The following SLC71A1 variants were observed in gnomAD, a reference collection of about 807,000 sequenced individuals.
SLC71A1 encodes solute carrier family 71 member 1.
chr1:100,075,105 C>A, the SLC71A1 span, among the ~76,000 whole-genome samples: 47 of 152,232 alleles, frequency 3.1e-4, no homozygotes, highest in African/African-American at 1.1e-3. Context: ...TAAGTACTTT[C>A]TGGTAATATT....
At chr1:100,058,649 T>C in the SLC71A1 span, 24 of 1,367,100 alleles carry the variant, frequency 1.8e-5, no homozygotes, top group Non-Finnish European at 2.3e-5. Flanking sequence ...ATTTTTATTT[T>C]GGTTTTTATT....
chr1:100,050,145 G>C, the SLC71A1 span: 2 of 525,260 alleles, frequency 3.8e-6, no homozygotes, highest in South Asian at 2.9e-5. Flanking sequence ...TTTACTGGTT[G>C]TCTTTTCCAA....
the SLC71A1 span, among the ~76,000 whole-genome samples, chr1:100,051,943 TAA>T: frequency 6.6e-6 from 1 of 152,204 alleles, no homozygotes; most frequent in Non-Finnish European, 1.5e-5. Context: ...ATTAGCCTCA[TAA>T]TACAGATGAG....
chr1:100,072,920 T>TA, the SLC71A1 span, among the ~76,000 whole-genome samples: 2 of 152,162 alleles, frequency 1.3e-5, no homozygotes, highest in Admixed American at 6.5e-5. Context: ...CTCCCACACT[T>TA]ACTCTTCCAG....
chr1:100,049,734 C>G, the SLC71A1 span, among the ~76,000 whole-genome samples: 2 of 152,164 alleles, frequency 1.3e-5, no homozygotes, highest in South Asian at 4.1e-4. Context: ...TCGTTGTTGC[C>G]TTGTCTGTCC....
chr1:100,068,526 GT>G, the SLC71A1 span: 1 of 1,613,936 alleles, frequency 6.2e-7, no homozygotes, highest in African/African-American at 1.3e-5. Flanking sequence ...GCATTACAGT[GT>G]TTCTCTCCTA....
the SLC71A1 span, chr1:100,058,620 G>A: frequency 2.0e-6 from 2 of 989,180 alleles, no homozygotes; most frequent in Middle Eastern, 2.1e-4. Flanking sequence ...ATTTTATTAA[G>A]ACTGAAATAT....
At chr1:100,067,875 G>A in the SLC71A1 span, 1 of 884,288 alleles carries the variant, frequency 1.1e-6, no homozygotes, top group Non-Finnish European at 1.8e-6. Context: ...GGGAGGGTGT[G>A]CAACAGAAGG....
At chr1:100,066,926 C>T in the SLC71A1 span, among the ~76,000 whole-genome samples, 60 of 138,682 alleles carry the variant, frequency 4.3e-4, no homozygotes, top group South Asian at 0.012. Context: ...GGGGCGGAGC[C>T]TGCAGTGAGC....
chr1:100,064,833 T>C, the SLC71A1 span, among the ~76,000 whole-genome samples: 1 of 151,416 alleles, frequency 6.6e-6, no homozygotes, highest in Non-Finnish European at 1.5e-5. Context: ...AAGCGATCCT[T>C]CTGCCTCAGC....
chr1:100,066,990 A>G, the SLC71A1 span, among the ~76,000 whole-genome samples: 5 of 137,270 alleles, frequency 3.6e-5, no homozygotes, highest in African/African-American at 1.0e-4. Context: ...CTCCGTCTCA[A>G]AAAAAAAAAA....
chr1:100,064,420 C>T, the SLC71A1 span, among the ~76,000 whole-genome samples: 44 of 152,130 alleles, frequency 2.9e-4, no homozygotes, highest in Non-Finnish European at 4.9e-4. Context: ...TGAGCCATGG[C>T]GCCTGGCCCC....
the SLC71A1 span, chr1:100,060,033 T>G: frequency 6.4e-7 from 1 of 1,560,202 alleles, no homozygotes; most frequent in East Asian, 2.3e-5. Context: ...TTATAGCAAC[T>G]AAATATCACT....
At chr1:100,044,891 G>A in the SLC71A1 span, among the ~76,000 whole-genome samples, 1 of 152,166 alleles carries the variant, frequency 6.6e-6, no homozygotes, top group South Asian at 2.1e-4. Flanking sequence ...GTACCATGCG[G>A]TTTTGGTAAC....
chr1:100,041,322 G>C, the SLC71A1 span, among the ~76,000 whole-genome samples: 1 of 152,162 alleles, frequency 6.6e-6, no homozygotes, highest in Admixed American at 6.5e-5. Flanking sequence ...ACCTATGTGA[G>C]TAGACACAAT....
the SLC71A1 span, chr1:100,038,106 G>C: frequency 7.7e-6 from 6 of 780,654 alleles, no homozygotes; most frequent in Non-Finnish European, 1.3e-5. Flanking sequence ...GAGGCAGGCC[G>C]GGCCCTCAAG....
At chr1:100,082,204 G>A in the SLC71A1 span, 2 of 1,613,512 alleles carry the variant, frequency 1.2e-6, no homozygotes, top group Non-Finnish European at 1.7e-6. Context: ...GGACACAAAT[G>A]TGTGACGACT....
the SLC71A1 span, among the ~76,000 whole-genome samples, chr1:100,075,359 A>G: frequency 6.6e-6 from 1 of 152,242 alleles, no homozygotes; most frequent in Non-Finnish European, 1.5e-5. Flanking sequence ...TGATGAGAAC[A>G]AATGTTTTCT....
the SLC71A1 span, among the ~76,000 whole-genome samples, chr1:100,041,921 C>CAAAA: frequency 8.4e-6 from 1 of 118,886 alleles, no homozygotes. Flanking sequence ...GAAACTGTCT[C>CAAAA]AAAAAAAAAA....
Sources: gnomAD v4.1 joint callset for allele counts (sites outside exome capture counted in the v4.1 genomes callset) on GRCh38, gnomAD v4.1.1 for gene constraint, MANE v1.5 for transcripts, NCBI Gene and HGNC (gene_info 2026-07-23, HGNC 2026-07-21) for gene names.